The following VWA3A variants were observed in gnomAD, a reference collection of about 807,000 sequenced individuals.
VWA3A encodes von Willebrand factor A domain-containing protein 3A.
A neutral mutation model predicts 160.4 loss-of-function variants in VWA3A; 134 were observed. The ratio of observed to expected loss-of-function variants is 0.84; its 90% CI spans 0.73 to 0.96. The LOEUF is 0.96. VWA3A is among the 40% of genes least tolerant of loss of function. The pLI is 0.00. For missense variants in VWA3A, 1,310 were observed against 1,447.9 expected (o/e 0.90, Z 1.55); for synonymous variants, 476 against 543.4 (o/e 0.88, Z 1.72).
chr16:22,115,225 A>G (rs2045612659), intron 8 of VWA3A, 122 bp from the exon 9 acceptor site: 6 of 1,151,110 alleles, frequency 5.2e-6, no homozygotes, highest in Non-Finnish European at 4.7e-6. Context: ...ACAGTGAGCT[A>G]TGATTGCACC....
At position 22,126,298 on chromosome 16, in the gene VWA3A, G is replaced by A. The variant is rs367761422; in HGVS notation, c.1652+1G>A. 38 of 1,610,744 alleles carry A rather than the reference G, an allele frequency of 2.4e-5. 1 individual carries two copies. Among genetic ancestry groups the A allele is most frequent in the Middle Eastern group, 1.6e-4 (1 of 6,076 alleles). On this transcript the variant is annotated splice_donor_variant, in intron 17 of 33. Coordinates refer to ENST00000389398, the MANE Select transcript of VWA3A (RefSeq NM_173615.5). LOFTEE classifies it high-confidence loss of function. Reference sequence around the variant, plus strand: ...ACAAGGACTGTTTCAACCTCATCGCGTATGTGTCTCCTGGCTCCTGGGGGC... The same window carrying A: ...ACAAGGACTGTTTCAACCTCATCGCATATGTGTCTCCTGGCTCCTGGGGGC...
Position 22,131,692 on chromosome 16 carries a change from T to C in VWA3A, c.1835T>C (p.Ile612Thr), listed in dbSNP as rs777529276. 4 of 1,613,986 alleles carry C rather than the reference T, an allele frequency of 2.5e-6. No individual in the cohort carries two copies. Among genetic ancestry groups the C allele is most frequent in the Non-Finnish European group, 2.5e-6 (3 of 1,179,868 alleles). Reference sequence around the variant, plus strand: ...AAAGACAAACACCAATCGCAGGGAATCTACCTCTTCACTGGGGGCATCCCC... The same window carrying C: ...AAAGACAAACACCAATCGCAGGGAACCTACCTCTTCACTGGGGGCATCCCC... ...KDKDKHQSQG[I>T]YLFTGGIPDQ... The change falls in exon 19 of 34, where the codon ATC becomes ACC. Residue 612 changes from isoleucine to threonine, a missense_variant. Coordinates refer to ENST00000389398, the MANE Select transcript of VWA3A (RefSeq NM_173615.5).
chr16:22,136,823 G>A (rs965243665), intron 21 of VWA3A, among the ~76,000 whole-genome samples: 10 of 151,842 alleles, frequency 6.6e-5, no homozygotes, highest in Admixed American at 5.3e-4. Flanking sequence ...ACAAGGTCAG[G>A]AGATCGAGAC....
chr16:22,130,880 A>C (rs1010240545), intron 17 of VWA3A, among the ~76,000 whole-genome samples: 6 of 151,980 alleles, frequency 3.9e-5, no homozygotes, highest in South Asian at 2.1e-4. Context: ...TAAAAAAAAA[A>C]AACAAACTAT....
chr16:22,148,977 T>A (rs566482418), intron 28 of VWA3A, among the ~76,000 whole-genome samples: 1 of 152,248 alleles, frequency 6.6e-6, no homozygotes, highest in South Asian at 2.1e-4. Context: ...TCCAGAAGGG[T>A]TGACCCGAAG....
In VWA3A at chr16:22,144,357, C is replaced by A; in HGVS notation, c.2703C>A (p.Cys901Ter). 6.2e-7 allele frequency: 1 copy of A among 1,613,850 alleles called. No homozygotes were observed. Among genetic ancestry groups the A allele is most frequent in the Non-Finnish European group, 8.5e-7 (1 of 1,179,860 alleles). Residue 901 changes from cysteine (C) to a stop codon, truncating the protein, a stop_gained, in exon 26 of 34, where the codon TGC becomes TGA. Transcript: ENST00000389398. LOFTEE classifies it high-confidence loss of function. ...SGQRSASAKH[C>*]SIFPSVEIHG... The stretch of plus-strand genomic sequence containing the variant: ...AGAGGTCAGCATCCGCCAAACACTG[C>A]AGCATCTTCCCCAGCGTTGAGATCC...
At chr16:22,131,498 A>G (rs1206947492) in intron 18 of VWA3A, 87 bp from the exon 19 acceptor site, 5 of 1,559,734 alleles carry the variant, frequency 3.2e-6, no homozygotes, top group Non-Finnish European at 4.4e-6. Context: ...ATCACGTCTG[A>G]GATGGAAAAG....
chr16:22,102,583 C>T (rs2045423171), intron 5 of VWA3A, among the ~76,000 whole-genome samples: 1 of 152,150 alleles, frequency 6.6e-6, no homozygotes, highest in African/African-American at 2.4e-5. Context: ...AGTCTTCAAC[C>T]AGTCATTGCA....
In VWA3A at chr16:22,096,801, A is replaced by G. The variant is rs1007010225; in HGVS notation, c.15-58A>G. 3 of 1,180,484 alleles carry G rather than the reference A, an allele frequency of 2.5e-6. No homozygotes were observed. In the African/African-American group the frequency reaches 4.6e-5, roughly 18 times the overall value. 73.1% of individuals were successfully genotyped at this position (1,180,484 alleles called of 1,614,324 possible). On this transcript the variant is annotated intron_variant, in intron 1 of 33. Coordinates refer to ENST00000389398, the MANE Select transcript of VWA3A (RefSeq NM_173615.5). ...ATTGTGCTGAATATAGATACCCCCC[A>G]AAACTATTGTCTGTATGCCACATTT...
At chr16:22,126,361 C>A in intron 17 of VWA3A, 64 bp downstream of exon 17, 1 of 1,575,430 alleles carries the variant, frequency 6.3e-7, no homozygotes, top group Non-Finnish European at 8.6e-7. Flanking sequence ...CGTCATTGGG[C>A]TGAGGCTTTG....
At chr16:22,151,867 CT>C (rs2046354183) in intron 30 of VWA3A, among the ~76,000 whole-genome samples, 1 of 152,070 alleles carries the variant, frequency 6.6e-6, no homozygotes, top group Non-Finnish European at 1.5e-5. Context: ...TATGTGTGTC[CT>C]TTACAGGCCT....
At chr16:22,142,338 G>A (rs1265755169) in intron 24 of VWA3A, among the ~76,000 whole-genome samples, 1 of 151,762 alleles carries the variant, frequency 6.6e-6, no homozygotes, top group Non-Finnish European at 1.5e-5. Flanking sequence ...TGGGCATCTG[G>A]TGAGAGCTTC....
At chr16:22,132,133 C>T (rs1424071607) in intron 19 of VWA3A, among the ~76,000 whole-genome samples, 1 of 152,146 alleles carries the variant, frequency 6.6e-6, no homozygotes, top group African/African-American at 2.4e-5. Context: ...CATGTAATCC[C>T]AGCACTTTGG....
rs767031884 is a variant in VWA3A at position 22,109,474 on chromosome 16, G to T, written c.484-8G>T. On this transcript the variant is annotated splice_region_variant and splice_polypyrimidine_tract_variant and intron_variant, in intron 6 of 33. Coordinates refer to ENST00000389398, the MANE Select transcript of VWA3A (RefSeq NM_173615.5). ...CTGGCTGTTTCCAAATGCCCTCTTT[G>T]GTTTTAGGCATTTGGCCTCATCAAA... 6.3e-7 allele frequency: 1 copy of T among 1,582,670 alleles called. No individual in the cohort carries two copies. Among genetic ancestry groups the T allele is most frequent in the East Asian group, 2.3e-5 (1 of 43,170 alleles).
chr16:22,145,285 C>A (rs1567223716), intron 26 of VWA3A, among the ~76,000 whole-genome samples: 2 of 152,192 alleles, frequency 1.3e-5, no homozygotes, highest in Admixed American at 6.5e-5. Context: ...CTGAAGTCAT[C>A]TTTCAGTTCA....
intron 8 of VWA3A, among the ~76,000 whole-genome samples, chr16:22,112,241 G>A (rs1463046453): frequency 1.3e-5 from 2 of 152,118 alleles, no homozygotes; most frequent in African/African-American, 4.8e-5. Flanking sequence ...GAATGTCCTC[G>A]ATTGCCCACC....
At chr16:22,112,938 C>A (rs1241646570) in intron 8 of VWA3A, among the ~76,000 whole-genome samples, 1 of 152,206 alleles carries the variant, frequency 6.6e-6, no homozygotes, top group East Asian at 1.9e-4. Flanking sequence ...ATCCTACCCA[C>A]TCTTCACAGG....
rs546769519 is a variant in VWA3A, at chr16:22,139,238, G to A, written c.2292+726G>A. On this transcript the variant is annotated intron_variant, in intron 22 of 33. Coordinates refer to ENST00000389398, the MANE Select transcript of VWA3A (RefSeq NM_173615.5). ...TTCGGGGAACTCTGCCAGGTTTCAGGAGCCAGCTCAGGCACTTCGCCCCCT... is the reference window on the plus strand; with the variant it reads ...TTCGGGGAACTCTGCCAGGTTTCAGAAGCCAGCTCAGGCACTTCGCCCCCT... Among the ~76,000 whole-genome samples, 8 of 152,312 alleles carry A rather than the reference G, an allele frequency of 5.3e-5. No individual in the cohort carries two copies. In the East Asian group the frequency reaches 5.8e-4, roughly 11 times the overall value.
Position 22,097,623 on chromosome 16 carries a change from T to C in VWA3A, c.153T>C (p.Asn51=). 6.4e-7 allele frequency: 1 copy of C among 1,551,884 alleles called. No individual in the cohort carries two copies. Among genetic ancestry groups the C allele is most frequent in the Non-Finnish European group, 8.7e-7 (1 of 1,147,012 alleles). Residue 51 remains asparagine, a synonymous_variant, in exon 3 of 34, where the codon AAT becomes AAC. Coordinates refer to ENST00000389398, the MANE Select transcript of VWA3A (RefSeq NM_173615.5). The part of the protein sequence containing the change: ...RDSKKPLKQK[N]MNGLGQNSDN... ...CAAAGAAGCCACTAAAGCAGAAGAA[T>C]ATGAATGGACTTGGGCAAAATTCGG...
Sources: allele counts gnomAD v4.1 joint callset (sites outside exome capture counted in the v4.1 genomes callset), GRCh38; gene constraint gnomAD v4.1.1; transcripts MANE v1.5; gene names NCBI Gene and HGNC (gene_info 2026-07-23, HGNC 2026-07-21).